Variants in SPRTN observed in about 807,000 individuals in gnomAD.
The protein encoded by SPRTN is DNA-dependent metalloprotease SPRTN.
Under a neutral mutation model 31.9 loss-of-function variants are expected in SPRTN, and 11 were observed. The observed-to-expected ratio is 0.34, with a 90% CI of 0.22 to 0.57. SPRTN has a LOEUF of 0.57. Among genes scored for constraint, SPRTN ranks in the 20% least tolerant of loss-of-function variants. The pLI is 0.86. For missense variants in SPRTN, 482 were observed against 590.1 expected (o/e 0.82, Z 1.90); for synonymous variants, 185 against 212.1 (o/e 0.87, Z 1.11).
At chr1:231,347,275 C>G (rs768302745) in intron 2 of SPRTN, among the ~76,000 whole-genome samples, 43 of 152,180 alleles carry the variant, frequency 2.8e-4, no homozygotes, top group Middle Eastern at 3.2e-3. Context: ...TTTGGATTTT[C>G]AGAGTTGGGA....
In SPRTN at chr1:231,353,966, G is replaced by C; in HGVS notation, c.*605G>C. The C allele has an allele frequency of 1.1e-6, 1 of 925,718 alleles. No individual in the cohort carries two copies. Among genetic ancestry groups the C allele is most frequent in the African/African-American group, 1.8e-5 (1 of 56,036 alleles). The allele number at this position is 925,718 out of a possible 1,614,324, so 57.3% of individuals were successfully genotyped here. A position where few individuals can be genotyped will look rare whatever the true frequency, so the allele number is the denominator to read the frequency against. On this transcript the variant is annotated 3_prime_UTR_variant, in exon 5 of 5. Transcript: ENST00000295050. ...CAGTGGCAGCAGATTTTAAGTTAAA[G>C]AATATGGAATATAGTAAAATAAGTA...
At position 231,353,409 on chromosome 1, in the gene SPRTN, G is replaced by A. The variant is rs778677371; in HGVS notation, c.*48G>A. 6.6e-7 allele frequency: 1 copy of A among 1,514,732 alleles called. No individual in the cohort carries two copies. Among genetic ancestry groups the A allele is most frequent in the Non-Finnish European group, 8.8e-7 (1 of 1,141,176 alleles). The allele number at this position is 1,514,732 out of a possible 1,614,324, so 93.8% of individuals were successfully genotyped here. A position where few individuals can be genotyped will look rare whatever the true frequency, so the allele number is the denominator to read the frequency against. On this transcript the variant is annotated 3_prime_UTR_variant, in exon 5 of 5. Transcript: ENST00000295050. Reference sequence around the variant, plus strand: ...ACCACCTGTATTATCTCACTAATGTGCTATGTCAGCCAGTCAGGAAGTTCT... The same window carrying A: ...ACCACCTGTATTATCTCACTAATGTACTATGTCAGCCAGTCAGGAAGTTCT...
At position 231,351,499 on chromosome 1, in the gene SPRTN, G is replaced by C; in HGVS notation, c.646G>C (p.Glu216Gln). The change falls in exon 4 of 5, where the codon GAG becomes CAG. Residue 216 changes from glutamate to glutamine, a missense_variant. Glu to Gln is a conservative substitution (Grantham distance 29). Coordinates refer to ENST00000295050, the MANE Select transcript of SPRTN (RefSeq NM_032018.7). ...GGTYIKIKEP[E>Q]NYSKKGKGKA... is the part of the protein sequence containing the mutation. ...CACTTACATAAAAATCAAGGAACCA[G>C]AGAATTACTCAAAAAAAGGCAAAGG... 3 of 1,614,138 alleles carry C rather than the reference G, an allele frequency of 1.9e-6. No individual in the cohort carries two copies. The highest frequency in any genetic ancestry group is 2.5e-6 in the Non-Finnish European group (3 of 1,180,016).
chr1:231,353,709 C>T lies in SPRTN; in HGVS notation c.*348C>T, dbSNP rs534390919. The stretch of plus-strand genomic sequence containing the variant: ...AAAATATTCATATGGGGAATCCTGT[C>T]AGGTGTTTGGTTATATTGACTATTT... On this transcript the variant is annotated 3_prime_UTR_variant, in exon 5 of 5. Coordinates refer to ENST00000295050, the MANE Select transcript of SPRTN (RefSeq NM_032018.7). 4.0e-4 allele frequency: 397 copies of T among 991,766 alleles called. 3 individuals are homozygous for T. The African/African-American group carries it at 6.6e-3, about 17-fold the overall frequency. The allele number at this position is 991,766 out of a possible 1,614,324, so 61.4% of individuals were successfully genotyped here. A position where few individuals can be genotyped will look rare whatever the true frequency, so the allele number is the denominator to read the frequency against.
chr1:231,348,059 G>A (rs1571997634), intron 3 of SPRTN, 134 bp downstream of exon 3: 2 of 1,260,474 alleles, frequency 1.6e-6, no homozygotes, highest in East Asian at 4.9e-5. Context: ...GAGGCCTAGA[G>A]AAGCAAATTG....
intron 3 of SPRTN, among the ~76,000 whole-genome samples, chr1:231,348,823 TTA>T (rs1278167779): frequency 4.6e-5 from 7 of 152,190 alleles, no homozygotes; most frequent in Admixed American, 2.0e-4. Flanking sequence ...TTGCCCATCT[TTA>T]TAGTACATCT....
intron 2 of SPRTN, among the ~76,000 whole-genome samples, chr1:231,340,936 CAG>C (rs919325838): frequency 6.6e-6 from 1 of 152,064 alleles, no homozygotes; most frequent in Non-Finnish European, 1.5e-5. Context: ...GATTACATAA[CAG>C]TGTGAATATA....
chr1:231,347,722 GATAGA>G, intron 2 of SPRTN, 70 bp from the exon 3 acceptor site: 3 of 1,504,514 alleles, frequency 2.0e-6, no homozygotes, highest in Non-Finnish European at 2.7e-6. Context: ...TTAGACACCA[GATAGA>G]ATAAGAAAAT....
chr1:231,351,205 TAA>T (rs35814914), intron 3 of SPRTN, 97 bp from the exon 4 acceptor site: 195,659 of 948,460 alleles, frequency 0.21, 3,222 homozygotes, highest in Middle Eastern at 0.3. Flanking sequence ...TTTCAAAAAT[TAA>T]AAAAAAAAAA....
At chr1:231,352,114 C>T (rs1312006147) in intron 4 of SPRTN, 2 of 989,220 alleles carry the variant, frequency 2.0e-6, no homozygotes, top group South Asian at 4.6e-5. Flanking sequence ...TTACCCTTTT[C>T]CTGTGAAGTT....
intron 2 of SPRTN, among the ~76,000 whole-genome samples, chr1:231,345,889 T>C (rs1687042400): frequency 6.6e-6 from 1 of 152,144 alleles, no homozygotes; most frequent in Non-Finnish European, 1.5e-5. Context: ...CATAGCTCAC[T>C]GCAACCTTGA....
Position 231,351,292 on chromosome 1 carries a change from G to C in SPRTN, c.451-12G>C. The C allele has an allele frequency of 1.3e-6, 2 of 1,501,314 alleles. No homozygotes were observed. Among genetic ancestry groups the C allele is most frequent in the Middle Eastern group, 2.0e-4 (1 of 4,912 alleles). The allele number at this position is 1,501,314 out of a possible 1,614,324, so 93.0% of individuals were successfully genotyped here. ...TTGCTTATTGAATACTAAAAATTCT[G>C]TCTCCACTCAGGTATACCATACTTT... On this transcript the variant is annotated splice_polypyrimidine_tract_variant and intron_variant, in intron 3 of 4. Coordinates refer to ENST00000295050, the MANE Select transcript of SPRTN (RefSeq NM_032018.7).
In SPRTN at chr1:231,353,116, C is replaced by T. The variant is rs769653749; in HGVS notation, c.1225C>T (p.Pro409Ser). Residue 409 changes from proline to serine, a missense_variant, in exon 5 of 5, where the codon CCT (proline) becomes TCT (serine). This residue lies in a region of SPRTN where 325 missense variants were observed against 350.2 expected (regional missense o/e 0.93). Transcript: ENST00000295050. ...GSEDTFPNKR[P>S]RLEDKTVFDN... ...TGAAGATACATTCCCAAATAAACGA[C>T]CTAGGCTAGAAGATAAGACTGTTTT... 5.0e-6 allele frequency: 8 copies of T among 1,613,400 alleles called. No homozygotes were observed. The highest frequency in any genetic ancestry group is 6.8e-6 in the Non-Finnish European group (8 of 1,179,766).
intron 1 of SPRTN, 131 bp from the exon 2 acceptor site, chr1:231,339,638 C>T (rs1686802239): frequency 1.0e-6 from 1 of 952,788 alleles, no homozygotes; most frequent in East Asian, 2.4e-5. Context: ...ATGCAAGTAT[C>T]TGCTAACCAA....
intron 2 of SPRTN, among the ~76,000 whole-genome samples, chr1:231,342,739 A>ATT (rs200493096): frequency 1.5e-5 from 2 of 130,620 alleles, no homozygotes; most frequent in Non-Finnish European, 3.3e-5. Context: ...GACTATATTT[A>ATT]TTTATTTTTT....
In SPRTN at chr1:231,354,212, A is replaced by C; in HGVS notation, c.*851A>C. Reference sequence around the variant, plus strand: ...ATTTTGAACTTTAAGCCAAGTTTAAAACATTATAATAAAAGGAATACCATT... The same window carrying C: ...ATTTTGAACTTTAAGCCAAGTTTAACACATTATAATAAAAGGAATACCATT... On this transcript the variant is annotated 3_prime_UTR_variant, in exon 5 of 5. Coordinates refer to ENST00000295050, the MANE Select transcript of SPRTN (RefSeq NM_032018.7). 1 of 980,298 alleles carries C rather than the reference A, an allele frequency of 1.0e-6. No homozygotes were observed. The highest frequency in any genetic ancestry group is 1.2e-6 in the Non-Finnish European group (1 of 825,288). The allele number at this position is 980,298 out of a possible 1,614,324, so 60.7% of individuals were successfully genotyped here.
chr1:231,351,918 C>T, intron 4 of SPRTN: 1 of 1,015,512 alleles, frequency 9.8e-7, no homozygotes, highest in Non-Finnish European at 1.2e-6. Flanking sequence ...TATTAGGAAA[C>T]AGAAGGCAAA....
At chr1:231,351,184 C>T in intron 3 of SPRTN, 120 bp from the exon 4 acceptor site, 3 of 1,156,360 alleles carry the variant, frequency 2.6e-6, no homozygotes, top group South Asian at 5.9e-5. Flanking sequence ...TTTCAGAAAG[C>T]TCTGGGAAAG....
Position 231,338,473 on chromosome 1 carries a change from G to C in SPRTN, c.90G>C (p.Ser30=), listed in dbSNP as rs750011921. Residue 30 remains serine (S), a synonymous_variant, in exon 1 of 5, where the codon TCG becomes TCC. Coordinates refer to ENST00000295050, the MANE Select transcript of SPRTN (RefSeq NM_032018.7). ...AERDHAQESL[S]LVDASWELVD... ...GCGATCATGCCCAGGAGTCCCTGTC[G>C]CTAGTGGACGCGTCGTGGGAGTTGG... is the stretch of plus-strand genomic sequence containing the variant. 4 of 1,614,256 alleles carry C rather than the reference G, an allele frequency of 2.5e-6. No individual in the cohort carries two copies. The highest frequency in any genetic ancestry group is 3.4e-6 in the Non-Finnish European group (4 of 1,180,040).
Sources: gnomAD v4.1 joint callset for allele counts (sites outside exome capture counted in the v4.1 genomes callset) on GRCh38, gnomAD v4.1.1 for gene constraint, gnomAD v4.1.1 regional missense constraint, MANE v1.5 for transcripts, NCBI Gene and HGNC (gene_info 2026-07-23, HGNC 2026-07-21) for gene names.